The following SMAP1 variants were observed in gnomAD, a reference collection of about 807,000 sequenced individuals.
The protein encoded by SMAP1 is stromal membrane-associated protein 1.
In SMAP1, 24 loss-of-function variants were observed where a neutral mutation model predicts 58.5. The ratio of observed to expected loss-of-function variants is 0.41; its 90% CI spans 0.30 to 0.58. The LOEUF (loss-of-function observed/expected upper bound fraction) is 0.58. Among genes scored for constraint, SMAP1 ranks in the 20% least tolerant of loss-of-function variants. The pLI is 0.29. For synonymous variants in SMAP1, 216 were observed against 196.6 expected, an observed-to-expected ratio of 1.10 and a Z score of -0.82; for missense variants, 563 against 566.3, an observed-to-expected ratio of 0.99 and a Z score of 0.06.
At chr6:70,801,731 A>G (rs1490046697) in intron 6 of SMAP1, among the ~76,000 whole-genome samples, 1 of 152,174 alleles carries the variant, frequency 6.6e-6, no homozygotes, top group African/African-American at 2.4e-5. Context: ...CTTTCTACAT[A>G]TGGCTAGCCA....
chr6:70,803,555 C>T lies in SMAP1; in HGVS notation c.576+4818C>T, dbSNP rs180765086. On this transcript the variant is annotated intron_variant, in intron 6 of 10. Coordinates refer to ENST00000370455, the MANE Select transcript of SMAP1 (RefSeq NM_001044305.3). ...CTACTAGCTTTTGAATTTGTTTGCT[C>T]TTGCTTCTGTGGTTCTTTTAATTGT... Among the ~76,000 whole-genome samples, 4 of 152,204 alleles carry T rather than the reference C, an allele frequency of 2.6e-5. No homozygotes were observed. The South Asian group carries it at 6.2e-4, about 24-fold the overall frequency.
chr6:70,675,750 C>G (rs1320772005), intron 1 of SMAP1, among the ~76,000 whole-genome samples: 1 of 151,806 alleles, frequency 6.6e-6, no homozygotes, highest in Non-Finnish European at 1.5e-5. Context: ...GGTTCATGCT[C>G]AAAAGGATCT....
At chr6:70,742,471 A>T (rs1278679642) in intron 2 of SMAP1, among the ~76,000 whole-genome samples, 1 of 152,100 alleles carries the variant, frequency 6.6e-6, no homozygotes, top group Non-Finnish European at 1.5e-5. Flanking sequence ...CCTCATCTCC[A>T]TCTGAGACCA....
At chr6:70,748,394 A>G (rs1766136319) in intron 2 of SMAP1, among the ~76,000 whole-genome samples, 1 of 152,130 alleles carries the variant, frequency 6.6e-6, no homozygotes, top group African/African-American at 2.4e-5. Flanking sequence ...ACACAAATAC[A>G]TTAAAAATTT....
chr6:70,802,715 AG>A (rs1250309691), intron 6 of SMAP1, among the ~76,000 whole-genome samples: 1 of 152,210 alleles, frequency 6.6e-6, no homozygotes, highest in Non-Finnish European at 1.5e-5. Flanking sequence ...TTTAGCATGA[AG>A]GGCTGTTGAA....
chr6:70,692,530 T>C (rs1767213324), intron 1 of SMAP1, among the ~76,000 whole-genome samples: 2 of 152,218 alleles, frequency 1.3e-5, no homozygotes, highest in South Asian at 4.1e-4. Flanking sequence ...CCCAATGTTT[T>C]AGTAGTTTCA....
chr6:70,788,698 A>T (rs535152135), intron 4 of SMAP1, among the ~76,000 whole-genome samples: 2 of 152,318 alleles, frequency 1.3e-5, no homozygotes, highest in East Asian at 1.9e-4. Context: ...AGAAGGAGTC[A>T]TATATGGCTG....
chr6:70,701,789 C>T (rs1434069506), intron 1 of SMAP1, among the ~76,000 whole-genome samples: 1 of 152,094 alleles, frequency 6.6e-6, no homozygotes. Flanking sequence ...TCTTCAGTGC[C>T]CCTTTTCTCA....
At chr6:70,853,039 C>T (rs1418553696) in intron 8 of SMAP1, among the ~76,000 whole-genome samples, 1 of 152,176 alleles carries the variant, frequency 6.6e-6, no homozygotes, top group African/African-American at 2.4e-5. Context: ...ACTACCTCAA[C>T]TTTCCTGAGA....
At chr6:70,830,165 C>G (rs1462405156) in intron 6 of SMAP1, among the ~76,000 whole-genome samples, 2 of 152,170 alleles carry the variant, frequency 1.3e-5, no homozygotes, top group Non-Finnish European at 2.9e-5. Flanking sequence ...CTAATTTTAT[C>G]TACCCACAGT....
chr6:70,733,069 A>G (rs1023254825), intron 2 of SMAP1, among the ~76,000 whole-genome samples: 6 of 152,214 alleles, frequency 3.9e-5, no homozygotes, highest in African/African-American at 1.4e-4. Flanking sequence ...AATTCTCAAA[A>G]TCTTACTTTT....
chr6:70,765,148 T>C (rs1348676123), intron 3 of SMAP1, among the ~76,000 whole-genome samples: 1 of 152,198 alleles, frequency 6.6e-6, no homozygotes, highest in Non-Finnish European at 1.5e-5. Flanking sequence ...TCTTAATAAA[T>C]GGAATGTTTA....
chr6:70,819,695 A>G (rs1193409543), intron 6 of SMAP1, among the ~76,000 whole-genome samples: 1 of 152,206 alleles, frequency 6.6e-6, no homozygotes, highest in Non-Finnish European at 1.5e-5. Context: ...TGCTAAAAGG[A>G]TACAGTTTTT....
At chr6:70,788,408 A>G in intron 4 of SMAP1, among the ~76,000 whole-genome samples, 1 of 151,822 alleles carries the variant, frequency 6.6e-6, no homozygotes, top group East Asian at 1.9e-4. Context: ...TATGTAACAA[A>G]CCTGCACATT....
At chr6:70,724,188 A>G (rs1160615308) in intron 1 of SMAP1, among the ~76,000 whole-genome samples, 1 of 141,722 alleles carries the variant, frequency 7.1e-6, no homozygotes, top group African/African-American at 2.6e-5. Context: ...TTCTTTTTTT[A>G]AGATAGGAAA....
At chr6:70,834,248 G>C (rs1770477399) in intron 6 of SMAP1, among the ~76,000 whole-genome samples, 1 of 151,686 alleles carries the variant, frequency 6.6e-6, no homozygotes, top group Non-Finnish European at 1.5e-5. Flanking sequence ...TTTTAAAAAA[G>C]ATCCTTTTTA....
intron 6 of SMAP1, among the ~76,000 whole-genome samples, chr6:70,799,035 A>C (rs1768731924): frequency 6.6e-6 from 1 of 152,118 alleles, no homozygotes; most frequent in African/African-American, 2.4e-5. Context: ...TAGAAGACTT[A>C]GAATTTTAGA....
chr6:70,714,906 T>C (rs963059949), intron 1 of SMAP1, among the ~76,000 whole-genome samples: 9 of 152,130 alleles, frequency 5.9e-5, no homozygotes, highest in Admixed American at 1.3e-4. Flanking sequence ...TTTTTTTCTT[T>C]CTGCACTTTG....
chr6:70,775,371 A>G (rs1767505727), intron 4 of SMAP1, among the ~76,000 whole-genome samples: 1 of 152,178 alleles, frequency 6.6e-6, no homozygotes, highest in African/African-American at 2.4e-5. Flanking sequence ...TTATTTTTAC[A>G]TAGTAATGTG....
Sources: gnomAD v4.1 joint callset for allele counts (sites outside exome capture counted in the v4.1 genomes callset) on GRCh38, gnomAD v4.1.1 for gene constraint, MANE v1.5 for transcripts, NCBI Gene and HGNC (gene_info 2026-07-23, HGNC 2026-07-21) for gene names.